The following PARL variants were observed in gnomAD, a reference collection of about 807,000 sequenced individuals.
The protein encoded by PARL is presenilin-associated rhomboid-like protein, mitochondrial.
In PARL, 44 loss-of-function variants were observed where a neutral mutation model predicts 51.6. The observed-to-expected ratio is 0.85, with a 90% CI of 0.67 to 1.10. The LOEUF is 1.10. PARL is among the 50% of genes least tolerant of loss of function. The probability of loss-of-function intolerance (pLI) is 0.00; values close to 1 mark genes in which losing one functional copy is unlikely to be tolerated. For missense variants in PARL, 441 were observed against 469.5 expected (o/e 0.94, Z 0.56); for synonymous variants, 172 against 164.0 (o/e 1.05, Z -0.37).
intron 1 of PARL, chr3:183,883,564 G>A: frequency 3.1e-6 from 3 of 983,228 alleles, no homozygotes; most frequent in Non-Finnish European, 3.6e-6. Context: ...GAGCCACCAC[G>A]CCCGGCCAGT....
At chr3:183,882,255 A>ATATATT (rs1734596977) in intron 1 of PARL, among the ~76,000 whole-genome samples, 1 of 55,216 alleles carries the variant, frequency 1.8e-5, no homozygotes, top group African/African-American at 6.0e-5. Flanking sequence ...TTATATATAT[A>ATATATT]TATATATATA....
chr3:183,882,007 C>T (rs1734488516), intron 1 of PARL, among the ~76,000 whole-genome samples: 1 of 151,340 alleles, frequency 6.6e-6, no homozygotes, highest in Non-Finnish European at 1.5e-5. Context: ...TCGAGACCAG[C>T]CTGGCCAACA....
intron 4 of PARL, chr3:183,856,685 T>C (rs1731219830): frequency 6.6e-6 from 1 of 152,206 alleles, no homozygotes; most frequent in South Asian, 2.1e-4. Flanking sequence ...GCCCTTGTAA[T>C]TGCTAACCAC....
intron 5 of PARL, among the ~76,000 whole-genome samples, chr3:183,843,839 G>T (rs1312074423): frequency 1.3e-5 from 2 of 151,682 alleles, no homozygotes; most frequent in African/African-American, 4.9e-5. Flanking sequence ...AGGTGTTCAA[G>T]AACAGCCTAT....
intron 5 of PARL, among the ~76,000 whole-genome samples, chr3:183,842,965 A>G (rs1290610340): frequency 6.6e-6 from 1 of 150,598 alleles, no homozygotes. Context: ...AACTTCCTCA[A>G]GTTGAGGCTC....
In PARL at chr3:183,829,634, C is replaced by T. The variant is rs1727687716; in HGVS notation, c.1104G>A (p.Arg368=). Residue 368 remains arginine, a synonymous_variant, in exon 10 of 10, where the codon AGG becomes AGA. Coordinates refer to ENST00000317096, the MANE Select transcript of PARL (RefSeq NM_018622.7). Reference sequence around the variant, plus strand: ...CACCTCCTTTTTTGGGGCCATTAGTCCTTATTTCATGCCAGATTTTCACTA... The same window carrying T: ...CACCTCCTTTTTTGGGGCCATTAGTTCTTATTTCATGCCAGATTTTCACTA... ...EPLVKIWHEI[R]TNGPKKGGGS... 1 of 1,614,106 alleles carries T rather than the reference C, an allele frequency of 6.2e-7. No individual in the cohort carries two copies. Among genetic ancestry groups the T allele is most frequent in the Non-Finnish European group, 8.5e-7 (1 of 1,180,006 alleles).
Position 183,829,466 on chromosome 3 carries a change from C to T in PARL, c.*132G>A. On this transcript the variant is annotated 3_prime_UTR_variant, in exon 10 of 10. Coordinates refer to ENST00000317096, the MANE Select transcript of PARL (RefSeq NM_018622.7). ...CTAAAAAGACACGGACTGGGGGACACAGCTGAAAACAGTGGGAGGCCAGAT... is the reference window on the plus strand; with the variant it reads ...CTAAAAAGACACGGACTGGGGGACATAGCTGAAAACAGTGGGAGGCCAGAT... 10 of 1,605,306 alleles carry T rather than the reference C, an allele frequency of 6.2e-6. No individual in the cohort carries two copies. In the South Asian group the frequency reaches 1.0e-4, roughly 16 times the overall value.
At chr3:183,846,712 G>A in intron 4 of PARL, 2 of 645,546 alleles carry the variant, frequency 3.1e-6, no homozygotes, top group South Asian at 1.4e-4. Context: ...CCATCCATTA[G>A]TAACAGACAC....
At position 183,856,855 on chromosome 3, in the gene PARL, AC is replaced by A. The variant is rs559651051; in HGVS notation, c.511+5897del. 1.4e-4 allele frequency among the ~76,000 whole-genome samples: 22 copies of A among 152,366 alleles called. No homozygotes were observed. In the South Asian group the frequency reaches 4.4e-3, roughly 30 times the overall value. On this transcript the variant is annotated intron_variant, in intron 4 of 9. Transcript: ENST00000317096. ...ACTTCTTTTAAGACAACTTTGCAAT[AC>A]ACAAAATTTTAAATGTATATTCTTT... is the stretch of plus-strand genomic sequence containing the variant.
At chr3:183,865,332 C>T (rs145199147) in intron 3 of PARL, among the ~76,000 whole-genome samples, 20 of 152,220 alleles carry the variant, frequency 1.3e-4, no homozygotes, top group South Asian at 6.2e-4. Context: ...CACTTGCTAG[C>T]TCTATCCCTA....
chr3:183,874,908 T>C (rs1297332729), intron 1 of PARL, among the ~76,000 whole-genome samples: 2 of 152,144 alleles, frequency 1.3e-5, no homozygotes, highest in Non-Finnish European at 2.9e-5. Flanking sequence ...CCTGTCTCTA[T>C]AAAAAATTTA....
Position 183,872,165 on chromosome 3 carries a change from C to T in PARL, c.126-4105G>A, listed in dbSNP as rs1733294825. On this transcript the variant is annotated intron_variant, in intron 1 of 9. Coordinates refer to ENST00000317096, the MANE Select transcript of PARL (RefSeq NM_018622.7). ...TACAGGCATGTACTGCCACACCTGG[C>T]TAATTTTTTTGTATTTAGTAGAGAC... Among the ~76,000 whole-genome samples the T allele has an allele frequency of 2.6e-5, 4 of 152,080 alleles. No individual in the cohort carries two copies. In the South Asian group the frequency reaches 8.3e-4, roughly 32 times the overall value.
At chr3:183,838,928 T>C (rs1382582303) in intron 7 of PARL, among the ~76,000 whole-genome samples, 1 of 152,190 alleles carries the variant, frequency 6.6e-6, no homozygotes, top group Non-Finnish European at 1.5e-5. Context: ...CAGTGTGTAT[T>C]AGATGTGTGT....
chr3:183,865,434 C>G (rs993331232), intron 3 of PARL, among the ~76,000 whole-genome samples: 1 of 152,148 alleles, frequency 6.6e-6, no homozygotes, highest in Non-Finnish European at 1.5e-5. Context: ...ACTAGTGGTC[C>G]GTGGCCTGTT....
At chr3:183,853,289 CA>C (rs34741694) in intron 4 of PARL, among the ~76,000 whole-genome samples, 40,134 of 151,972 alleles carry the variant, frequency 0.26, 5,499 homozygotes, top group East Asian at 0.54. Flanking sequence ...CAGGCGGGTG[CA>C]AGTGGCTCAT....
At chr3:183,843,316 A>T (rs1390671683) in intron 5 of PARL, 4 of 985,104 alleles carry the variant, frequency 4.1e-6, no homozygotes, top group Admixed American at 1.2e-4. Context: ...AGAAAAAAAT[A>T]AGCAGTCTGG....
intron 9 of PARL, among the ~76,000 whole-genome samples, chr3:183,831,274 C>A (rs1461201909): frequency 3.9e-5 from 6 of 152,236 alleles, no homozygotes; most frequent in African/African-American, 1.4e-4. Flanking sequence ...CTGCGCCCGG[C>A]CACCCAAATC....
intron 4 of PARL, among the ~76,000 whole-genome samples, chr3:183,853,120 T>G (rs1730735682): frequency 6.6e-6 from 1 of 151,862 alleles, no homozygotes; most frequent in Admixed American, 6.6e-5. Context: ...AAAGAAAAAA[T>G]AGACAACTGG....
At chr3:183,860,941 T>C (rs1038426032) in intron 4 of PARL, among the ~76,000 whole-genome samples, 1 of 151,764 alleles carries the variant, frequency 6.6e-6, no homozygotes, top group Non-Finnish European at 1.5e-5. Context: ...GCCTCCCTAG[T>C]AGCTGGGATT....
Sources: gnomAD v4.1 joint callset for allele counts (sites outside exome capture counted in the v4.1 genomes callset) on GRCh38, gnomAD v4.1.1 for gene constraint, MANE v1.5 for transcripts, NCBI Gene and HGNC (gene_info 2026-07-23, HGNC 2026-07-21) for gene names.